The following NELL1 variants were observed in gnomAD, a reference collection of about 807,000 sequenced individuals.
NELL1 encodes the protein neural EGFL like 1, also known as protein kinase C-binding protein NELL1.
In NELL1, 76 loss-of-function variants were observed where a neutral mutation model predicts 107.4. That is an observed-to-expected ratio of 0.71 (90% CI 0.59 to 0.86). The LOEUF (loss-of-function observed/expected upper bound fraction) is 0.86, where lower values mean the gene tolerates loss of function less well. Ranked by LOEUF, NELL1 falls within the 40% of genes least tolerant of loss-of-function variation. NELL1 has a pLI of 0.00. For missense variants in NELL1, 1,024 were observed against 1,005.5 expected, an observed-to-expected ratio of 1.02 and a Z score of -0.25; for synonymous variants, 353 against 341.2, an observed-to-expected ratio of 1.03 and a Z score of -0.38.
chr11:21,248,424 G>A (rs1171889726), intron 14 of NELL1, among the ~76,000 whole-genome samples: 1 of 152,100 alleles, frequency 6.6e-6, no homozygotes, highest in South Asian at 2.1e-4. Flanking sequence ...GTATCTGATT[G>A]TAAGTTTGAA....
intron 13 of NELL1, among the ~76,000 whole-genome samples, chr11:21,172,439 T>A (rs1308185552): frequency 6.6e-6 from 1 of 151,854 alleles, no homozygotes; most frequent in Non-Finnish European, 1.5e-5. Context: ...TGAATTTCCG[T>A]TGATAGCATG....
intron 10 of NELL1, among the ~76,000 whole-genome samples, chr11:20,942,046 A>T (rs2896622): frequency 0.062 from 9,434 of 152,220 alleles, 383 homozygotes; most frequent in East Asian, 0.19. Flanking sequence ...TTTCTTTTCA[A>T]CACACCTCTT....
In NELL1 at chr11:21,247,564, G is replaced by A. The variant is rs542830652; in HGVS notation, c.1549+18110G>A. The stretch of plus-strand genomic sequence containing the variant: ...AGAGGGTCTTCAGGGGCAATAGCAC[G>A]CATGGAGGTGTCATCTCCAATGGTA... On this transcript the variant is annotated intron_variant, in intron 14 of 19. Transcript: ENST00000357134. 3.9e-5 allele frequency among the ~76,000 whole-genome samples: 6 copies of A among 152,244 alleles called. No individual in the cohort carries two copies. The East Asian group carries it at 5.8e-4, about 15-fold the overall frequency.
chr11:21,407,430 CA>C, intron 15 of NELL1, among the ~76,000 whole-genome samples: 1 of 152,024 alleles, frequency 6.6e-6, no homozygotes, highest in Non-Finnish European at 1.5e-5. Flanking sequence ...AACAAACAAA[CA>C]AAAAGAAATA....
chr11:21,085,804 A>G (rs1854377879), intron 12 of NELL1, among the ~76,000 whole-genome samples: 1 of 152,228 alleles, frequency 6.6e-6, no homozygotes. Flanking sequence ...TCGTAGAAGA[A>G]CCAGAAGAAA....
chr11:20,751,640 C>G (rs1856141435), intron 2 of NELL1, among the ~76,000 whole-genome samples: 1 of 98,968 alleles, frequency 1.0e-5, no homozygotes, highest in African/African-American at 3.4e-5. Flanking sequence ...CCATGCCTGG[C>G]TAAGTTAAAA....
intron 14 of NELL1, among the ~76,000 whole-genome samples, chr11:21,281,174 C>T (rs907970910): frequency 6.6e-6 from 1 of 151,790 alleles, no homozygotes; most frequent in Non-Finnish European, 1.5e-5. Context: ...TGCCATGCCC[C>T]AGCTCCTGAA....
chr11:20,776,064 C>T (rs183749909), intron 2 of NELL1, among the ~76,000 whole-genome samples: 1 of 152,326 alleles, frequency 6.6e-6, no homozygotes. Flanking sequence ...GAGGCTTAAC[C>T]AGGTACCAGG....
intron 2 of NELL1, among the ~76,000 whole-genome samples, chr11:20,768,466 C>A (rs998577072): frequency 6.6e-6 from 1 of 152,218 alleles, no homozygotes; most frequent in African/African-American, 2.4e-5. Flanking sequence ...TCATAATGGG[C>A]AGTGTGGAGA....
chr11:20,988,456 CAT>C (rs58974677), intron 12 of NELL1, among the ~76,000 whole-genome samples: 10 of 127,290 alleles, frequency 7.9e-5, no homozygotes, highest in African/African-American at 2.2e-4. Flanking sequence ...TACACATGTA[CAT>C]ATATGTGTGT....
intron 15 of NELL1, among the ~76,000 whole-genome samples, chr11:21,528,837 C>A (rs958634292): frequency 2.0e-5 from 3 of 152,040 alleles, no homozygotes; most frequent in African/African-American, 7.2e-5. Flanking sequence ...GTTATCTTGA[C>A]TCTTGACTTT....
intron 3 of NELL1, among the ~76,000 whole-genome samples, chr11:20,821,745 G>A (rs1857758175): frequency 6.6e-6 from 1 of 152,198 alleles, no homozygotes. Context: ...TTTGAAAAGG[G>A]CAGCAATAAC....
chr11:20,812,701 A>G (rs544807935), intron 3 of NELL1, among the ~76,000 whole-genome samples: 230 of 152,214 alleles, frequency 1.5e-3, no homozygotes, highest in African/African-American at 5.4e-3. Context: ...TACTCTTCAA[A>G]TTGTACCTAA....
In NELL1 at chr11:20,735,289, C is replaced by T. The variant is rs181749357; in HGVS notation, c.185-48391C>T. On this transcript the variant is annotated intron_variant, in intron 2 of 19. Coordinates refer to ENST00000357134, the MANE Select transcript of NELL1 (RefSeq NM_006157.5). Reference sequence around the variant, plus strand: ...TCTCATGCTACTATAAAGAACTACCCAAGACTGGGTAATTTATAAAGGAAA... The same window carrying T: ...TCTCATGCTACTATAAAGAACTACCTAAGACTGGGTAATTTATAAAGGAAA... 5.2e-4 allele frequency among the ~76,000 whole-genome samples: 79 copies of T among 152,144 alleles called. 1 individual carries two copies. The highest frequency in any genetic ancestry group is 1.7e-3 in the African/African-American group (70 of 41,502).
At position 21,483,882 on chromosome 11, in the gene NELL1, CACAT is replaced by C. The variant is rs1428747871; in HGVS notation, c.1646-50490_1646-50487del. ...ATACATATACAAACACACACACACA[CACAT>C]ATATATATATATATAAAATATTCCA... On this transcript the variant is annotated intron_variant, in intron 15 of 19. Coordinates refer to ENST00000357134, the MANE Select transcript of NELL1 (RefSeq NM_006157.5). Among the ~76,000 whole-genome samples, 293 of 118,424 alleles carry C rather than the reference CACAT, an allele frequency of 2.5e-3. 3 individuals are homozygous for C. Among genetic ancestry groups the C allele is most frequent in the East Asian group, 3.7e-3 (16 of 4,292 alleles). The allele number at this position is 118,424 out of a possible 152,430, so 77.7% of individuals were successfully genotyped here.
intron 14 of NELL1, among the ~76,000 whole-genome samples, chr11:21,330,840 C>T (rs1239874404): frequency 6.6e-6 from 1 of 151,746 alleles, no homozygotes; most frequent in East Asian, 1.9e-4. Flanking sequence ...CTTCTGGCAC[C>T]CCAATTTTGC....
At chr11:21,550,737 A>G (rs1856558930) in intron 16 of NELL1, among the ~76,000 whole-genome samples, 1 of 152,058 alleles carries the variant, frequency 6.6e-6, no homozygotes, top group Admixed American at 6.6e-5. Flanking sequence ...TGTTTTGGTT[A>G]CTGTAGCCTT....
intron 14 of NELL1, among the ~76,000 whole-genome samples, chr11:21,356,105 C>T (rs1046662404): frequency 6.6e-6 from 1 of 152,176 alleles, no homozygotes; most frequent in Non-Finnish European, 1.5e-5. Context: ...TGCTTTTTCT[C>T]CTATCACTTG....
chr11:21,527,014 C>T (rs1855872136), intron 15 of NELL1, among the ~76,000 whole-genome samples: 1 of 152,210 alleles, frequency 6.6e-6, no homozygotes, highest in South Asian at 2.1e-4. Context: ...GGGGTCTTCT[C>T]TTCTACTGCA....
Sources: allele counts gnomAD v4.1 joint callset (sites outside exome capture counted in the v4.1 genomes callset), GRCh38; gene constraint gnomAD v4.1.1; transcripts MANE v1.5; gene names NCBI Gene and HGNC (gene_info 2026-07-23, HGNC 2026-07-21).